ST7: variants seen among roughly 807,000 people sequenced by gnomAD.
ST7 encodes suppression of tumorigenicity 7.
ST7 carries 28 observed loss-of-function variants against 78.7 expected under a neutral mutation model. The observed-to-expected ratio is 0.36, with a 90% CI of 0.26 to 0.49. ST7 has a LOEUF of 0.49. Among genes scored for constraint, ST7 ranks in the 20% least tolerant of loss-of-function variants. The pLI is 0.99. For synonymous variants in ST7, 247 were observed against 249.6 expected, an observed-to-expected ratio of 0.99 and a Z score of 0.10; for missense variants, 418 against 696.0, an observed-to-expected ratio of 0.60 and a Z score of 4.49.
intron 1 of ST7, among the ~76,000 whole-genome samples, chr7:116,973,968 A>C (rs921902555): frequency 6.6e-6 from 1 of 152,210 alleles, no homozygotes; most frequent in Non-Finnish European, 1.5e-5. Flanking sequence ...TCAACTAGGG[A>C]AAGTTTGGAA....
At chr7:117,162,313 A>C (rs1017395252) in intron 9 of ST7, among the ~76,000 whole-genome samples, 1 of 152,114 alleles carries the variant, frequency 6.6e-6, no homozygotes, top group Non-Finnish European at 1.5e-5. Context: ...TGTTTACTGA[A>C]TGAATAATCC....
chr7:117,037,398 T>TC (rs1796949037), intron 1 of ST7, among the ~76,000 whole-genome samples: 1 of 152,158 alleles, frequency 6.6e-6, no homozygotes, highest in African/African-American at 2.4e-5. Flanking sequence ...ACAGATGAGC[T>TC]AATGGCAAAA....
Position 117,131,865 on chromosome 7 carries a change from T to A in ST7, c.566-20T>A, listed in dbSNP as rs773279032. The A allele has an allele frequency of 6.2e-7, 1 of 1,606,564 alleles. No individual in the cohort carries two copies. Among genetic ancestry groups the A allele is most frequent in the Admixed American group, 1.7e-5 (1 of 59,732 alleles). On this transcript the variant is annotated intron_variant, in intron 5 of 15. Coordinates refer to ENST00000323984, the MANE Select transcript of ST7 (RefSeq NM_001369598.1). ...TTATATGTATGGATTGACTTGGTGT[T>A]TTCTCTTTTTCTTAAATAGTAATGC...
chr7:117,036,727 G>T (rs73714378), intron 1 of ST7, among the ~76,000 whole-genome samples: 1 of 152,088 alleles, frequency 6.6e-6, no homozygotes, highest in Admixed American at 6.6e-5. Context: ...TATACATATG[G>T]TATGATATGA....
At chr7:117,064,789 G>T (rs1172193903) in intron 1 of ST7, among the ~76,000 whole-genome samples, 1 of 152,130 alleles carries the variant, frequency 6.6e-6, no homozygotes, top group African/African-American at 2.4e-5. Context: ...TGTAGGAGAG[G>T]ATTCACCTGC....
At chr7:117,031,704 G>GTATATATGCA (rs1240705754) in intron 1 of ST7, among the ~76,000 whole-genome samples, 1,026 of 102,284 alleles carry the variant, frequency 0.01, 509 homozygotes, top group African/African-American at 0.043. Flanking sequence ...GTATATATGT[G>GTATATATGCA]TATATATGCA....
At chr7:117,009,597 TAATC>T (rs1038124633) in intron 1 of ST7, among the ~76,000 whole-genome samples, 34 of 152,216 alleles carry the variant, frequency 2.2e-4, no homozygotes, top group Non-Finnish European at 4.4e-5. Flanking sequence ...ACGAAAATCT[TAATC>T]TTTCTTATTT....
chr7:117,015,622 G>A (rs988123340), intron 1 of ST7, among the ~76,000 whole-genome samples: 3 of 152,098 alleles, frequency 2.0e-5, no homozygotes, highest in Non-Finnish European at 4.4e-5. Context: ...TAGAAATAAG[G>A]TTAGATTAAC....
chr7:117,211,300 C>G (rs1469231621), intron 13 of ST7, among the ~76,000 whole-genome samples: 1 of 152,212 alleles, frequency 6.6e-6, no homozygotes, highest in East Asian at 1.9e-4. Flanking sequence ...TGCGTGGCAC[C>G]AGCAACTGTA....
intron 2 of ST7, among the ~76,000 whole-genome samples, chr7:117,113,486 A>AT (rs1802600053): frequency 6.6e-6 from 1 of 152,060 alleles, no homozygotes; most frequent in Non-Finnish European, 1.5e-5. Context: ...TGGAGGAAAC[A>AT]TTTTTTCTTT....
intron 1 of ST7, among the ~76,000 whole-genome samples, chr7:117,062,144 C>T (rs543644536): frequency 1.2e-4 from 19 of 152,228 alleles, no homozygotes; most frequent in African/African-American, 3.9e-4. Context: ...AGGAAGACAG[C>T]AAGTCCTCTG....
chr7:117,116,724 A>C (rs1802917154), intron 2 of ST7, among the ~76,000 whole-genome samples: 1 of 152,194 alleles, frequency 6.6e-6, no homozygotes, highest in Non-Finnish European at 1.5e-5. Context: ...GTGATATGAC[A>C]GACCTGAGAA....
In ST7 at chr7:117,129,815, A is replaced by G. The variant is rs1406531558; in HGVS notation, c.417A>G (p.Pro139=). Residue 139 remains proline, a synonymous_variant, in exon 4 of 16, where the codon CCA becomes CCG. Transcript: ENST00000323984. The part of the protein sequence containing the change: ...SVSECKVWRN[P]LNLFRGAEYN... ...CAGAATGCAAAGTATGGCGAAATCC[A>G]CTAAATTTATTTAGGGGTGCTGAAT... 2.5e-6 allele frequency: 4 copies of G among 1,610,662 alleles called. No homozygotes were observed. The highest frequency in any genetic ancestry group is 3.4e-6 in the Non-Finnish European group (4 of 1,178,076).
Position 117,139,537 on chromosome 7 carries a change from C to T in ST7, c.963+1005C>T, listed in dbSNP as rs532712141. 3.3e-5 allele frequency among the ~76,000 whole-genome samples: 5 copies of T among 152,222 alleles called. No homozygotes were observed. The South Asian group carries it at 6.2e-4, about 19-fold the overall frequency. On this transcript the variant is annotated intron_variant, in intron 9 of 15. Coordinates refer to ENST00000323984, the MANE Select transcript of ST7 (RefSeq NM_001369598.1). ...CTTTGGAGGAGGGAGCACCAACACT[C>T]AACGCTCACCCCTGGTTATTTCTGC...
intron 12 of ST7, among the ~76,000 whole-genome samples, 159 bp downstream of exon 12, chr7:117,191,095 G>T (rs1174781055): frequency 6.6e-6 from 1 of 152,212 alleles, no homozygotes; most frequent in Non-Finnish European, 1.5e-5. Flanking sequence ...CTCATTTTAA[G>T]CAAAAGCTAT....
intron 1 of ST7, among the ~76,000 whole-genome samples, chr7:116,993,486 G>A (rs1410288765): frequency 1.3e-5 from 2 of 152,248 alleles, no homozygotes; most frequent in African/African-American, 4.8e-5. Context: ...ACCTCCCACC[G>A]GCTCCCTCCC....
rs759539749 is a variant in ST7 at position 117,229,965 on chromosome 7, C to T, written c.*108C>T. The T allele has an allele frequency of 1.9e-5, 19 of 1,022,770 alleles. No individual in the cohort carries two copies. Among genetic ancestry groups the T allele is most frequent in the Middle Eastern group, 2.0e-4 (1 of 4,966 alleles). The allele number at this position is 1,022,770 out of a possible 1,614,324, so 63.4% of individuals were successfully genotyped here. A position where few individuals can be genotyped will look rare whatever the true frequency, so the allele number is the denominator to read the frequency against. ...TGACTTTGAAAAAGGGAAGCCATTC[C>T]GAGATTTTAAAATGTTCATGGACTA... is the stretch of plus-strand genomic sequence containing the variant. On this transcript the variant is annotated 3_prime_UTR_variant, in exon 16 of 16. Transcript: ENST00000323984.
chr7:117,107,079 T>C (rs1802035430), intron 2 of ST7, among the ~76,000 whole-genome samples: 1 of 152,192 alleles, frequency 6.6e-6, no homozygotes, highest in Non-Finnish European at 1.5e-5. Flanking sequence ...TTCCTTTTTA[T>C]GGTGGAGTAG....
chr7:116,953,684 G>A lies in ST7; in HGVS notation c.144G>A (p.Leu48=), dbSNP rs765077451. The change falls in exon 1 of 16, where the codon TTG becomes TTA. Residue 48 remains leucine, a synonymous_variant. Transcript: ENST00000323984. ...LRVPLKINDN[L]STVSMFLNTL... is the part of the protein sequence containing the mutation. ...TGCCTTTGAAAATCAACGACAACTT[G>A]AGCACAGGTAAGGCCTGGGAGCCGG... is the stretch of plus-strand genomic sequence containing the variant. 6.7e-7 allele frequency: 1 copy of A among 1,489,148 alleles called. No individual in the cohort carries two copies. The highest frequency in any genetic ancestry group is 1.2e-5 in the South Asian group (1 of 84,396). The allele number at this position is 1,489,148 out of a possible 1,614,324, so 92.2% of individuals were successfully genotyped here. A position where few individuals can be genotyped will look rare whatever the true frequency, so the allele number is the denominator to read the frequency against.
Sources: gnomAD v4.1 joint callset for allele counts (sites outside exome capture counted in the v4.1 genomes callset) on GRCh38, gnomAD v4.1.1 for gene constraint, MANE v1.5 for transcripts, NCBI Gene and HGNC (gene_info 2026-07-23, HGNC 2026-07-21) for gene names.